The following FLNB variants were observed in gnomAD, a reference collection of about 807,000 sequenced individuals.
The protein encoded by FLNB is filamin-B.
In FLNB, 111 loss-of-function variants were observed where a neutral mutation model predicts 250.6. The observed-to-expected ratio is 0.44, with a 90% CI of 0.38 to 0.52. The LOEUF (loss-of-function observed/expected upper bound fraction) is 0.52, where lower values mean the gene tolerates loss of function less well. Ranked by LOEUF, FLNB falls within the 20% of genes least tolerant of loss-of-function variation. The probability of loss-of-function intolerance (pLI) is 0.00; values close to 1 mark genes in which losing one functional copy is unlikely to be tolerated. For missense variants in FLNB, 2,869 were observed against 3,447.8 expected (o/e 0.83, Z 4.20); for synonymous variants, 1,302 against 1,372.1 (o/e 0.95, Z 1.13).
In FLNB at chr3:58,169,460, G is replaced by A; in HGVS notation, c.7418-130G>A. 1.3e-6 allele frequency: 1 copy of A among 753,284 alleles called. No homozygotes were observed. Among genetic ancestry groups the A allele is most frequent in the South Asian group, 1.4e-5 (1 of 71,916 alleles). 46.7% of individuals were successfully genotyped at this position (753,284 alleles called of 1,614,324 possible). A position where few individuals can be genotyped will look rare whatever the true frequency, so the allele number is the denominator to read the frequency against. On this transcript the variant is annotated intron_variant, in intron 44 of 45. Transcript: ENST00000295956. The surrounding 1 kb of genome is among the most constrained non-coding windows in gnomAD (Gnocchi z 4.8). Reference sequence around the variant, plus strand: ...GACATTATGGGTGTGAGATACAGGTGTGGTGGCTTTTGTGTTGGGGTGCGC... The same window carrying A: ...GACATTATGGGTGTGAGATACAGGTATGGTGGCTTTTGTGTTGGGGTGCGC...
At chr3:58,071,859 G>A (rs2097195092) in intron 1 of FLNB, among the ~76,000 whole-genome samples, 2 of 152,134 alleles carry the variant, frequency 1.3e-5, no homozygotes, top group South Asian at 4.1e-4. Flanking sequence ...CCTGATGTGA[G>A]TAGAGAGGTA....
chr3:58,096,239 TG>T, intron 6 of FLNB, 21 bp downstream of exon 6: 1 of 1,584,548 alleles, frequency 6.3e-7, no homozygotes, highest in Non-Finnish European at 8.7e-7. Context: ...GCAGCATGGC[TG>T]TGGCTTGGGC....
At chr3:58,091,343 A>G (rs1430857013) in intron 4 of FLNB, among the ~76,000 whole-genome samples, 2 of 152,224 alleles carry the variant, frequency 1.3e-5, no homozygotes, top group Non-Finnish European at 2.9e-5. Context: ...TGGTCAAAGG[A>G]TAGACATTAT....
intron 1 of FLNB, among the ~76,000 whole-genome samples, chr3:58,052,518 AG>A (rs1418385149): frequency 6.6e-6 from 1 of 152,208 alleles, no homozygotes; most frequent in African/African-American, 2.4e-5. Context: ...GAGGGGAAAC[AG>A]GGCCTTTGGT....
chr3:58,042,891 G>A (rs1447382748), intron 1 of FLNB, among the ~76,000 whole-genome samples: 1 of 152,058 alleles, frequency 6.6e-6, no homozygotes, highest in Admixed American at 6.6e-5. Context: ...TTTCTACTGG[G>A]AATGTTTGTT....
Position 58,149,891 on chromosome 3 carries a change from G to T in FLNB, c.6133G>T (p.Val2045Leu). The T allele has an allele frequency of 6.2e-7, 1 of 1,614,246 alleles. No homozygotes were observed. The highest frequency in any genetic ancestry group is 2.2e-5 in the East Asian group (1 of 44,884). Reference sequence around the variant, plus strand: ...CTTGGCGGTGGAAGGCCCCAGCAAAGTGGACATCCAGACGGAGGACCTGGA... The same window carrying T: ...CTTGGCGGTGGAAGGCCCCAGCAAATTGGACATCCAGACGGAGGACCTGGA... The part of the protein sequence containing the change: ...ISLAVEGPSK[V>L]DIQTEDLEDG... Residue 2045 changes from valine (V) to leucine (L), a missense_variant, in exon 37 of 46, where the codon GTG (valine) becomes TTG (leucine). Coordinates refer to ENST00000295956, the MANE Select transcript of FLNB (RefSeq NM_001457.4).
At chr3:58,139,338 C>T (rs1009654441) in intron 29 of FLNB, among the ~76,000 whole-genome samples, 35 of 152,200 alleles carry the variant, frequency 2.3e-4, no homozygotes, top group Admixed American at 2.0e-3. Context: ...GTCATCCTCA[C>T]TGGTGTCCTT....
At chr3:58,157,833 T>C (rs2097355604) in intron 41 of FLNB, among the ~76,000 whole-genome samples, 1 of 152,238 alleles carries the variant, frequency 6.6e-6, no homozygotes, top group Non-Finnish European at 1.5e-5. Flanking sequence ...TGTAGAGTGC[T>C]CTCGTCATAG....
intron 1 of FLNB, among the ~76,000 whole-genome samples, chr3:58,050,021 C>CTTTTTTTTTTTTTTTTTTTTTTT (rs34910480): frequency 1.5e-5 from 2 of 130,480 alleles, no homozygotes; most frequent in Non-Finnish European, 1.7e-5. Context: ...TAGAAAATGC[C>CTTTTTTTTTTTTTTTTTTTTTTT]TTTTTTTTTT....
At chr3:58,025,036 T>C (rs1466874242) in intron 1 of FLNB, among the ~76,000 whole-genome samples, 1 of 145,030 alleles carries the variant, frequency 6.9e-6, no homozygotes, top group Non-Finnish European at 1.5e-5. Flanking sequence ...TTTTTTTAAG[T>C]AGCTCCATTG....
At chr3:58,079,881 C>G (rs575974487) in intron 3 of FLNB, among the ~76,000 whole-genome samples, 1 of 152,256 alleles carries the variant, frequency 6.6e-6, no homozygotes, top group South Asian at 2.1e-4. Context: ...GGTCTGAGTT[C>G]AGTGTATTTT....
chr3:58,155,801 A>G (rs543851138), intron 40 of FLNB, among the ~76,000 whole-genome samples, 159 bp from the exon 41 acceptor site: 4 of 152,262 alleles, frequency 2.6e-5, no homozygotes, highest in African/African-American at 9.6e-5. Context: ...AGGAAATCAT[A>G]TCGGCCCAGC....
At chr3:58,091,371 T>C (rs2097227009) in intron 4 of FLNB, among the ~76,000 whole-genome samples, 1 of 152,122 alleles carries the variant, frequency 6.6e-6, no homozygotes, top group Admixed American at 6.6e-5. Context: ...TGAAACAGAA[T>C]TGCAGCCCCA....
rs758759547 is a variant in FLNB at position 58,110,102 on chromosome 3, A to G, written c.2416A>G (p.Thr806Ala). The G allele has an allele frequency of 7.4e-6, 12 of 1,614,188 alleles. No homozygotes were observed. Among genetic ancestry groups the G allele is most frequent in the Non-Finnish European group, 1.0e-5 (12 of 1,180,022 alleles). ...DFDIIHNAND[T>A]FTVKYVPPAA... ...TGACATTATTCACAATGCCAATGAT[A>G]CGTTCACAGTCAAATATGTGCCTCC... The change falls in exon 16 of 46, where the codon ACG (threonine) becomes GCG (alanine). Residue 806 changes from threonine to alanine, a missense_variant. Coordinates refer to ENST00000295956, the MANE Select transcript of FLNB (RefSeq NM_001457.4).
At chr3:58,062,456 C>T (rs1020836096) in intron 1 of FLNB, among the ~76,000 whole-genome samples, 3 of 152,302 alleles carry the variant, frequency 2.0e-5, no homozygotes, top group East Asian at 3.9e-4. Context: ...TCCCTCCCCC[C>T]ACCAGTTGTC....
At chr3:58,072,195 A>G (rs2097195597) in intron 1 of FLNB, among the ~76,000 whole-genome samples, 1 of 152,232 alleles carries the variant, frequency 6.6e-6, no homozygotes, top group Non-Finnish European at 1.5e-5. Flanking sequence ...TTTGAGGGTC[A>G]GGGTTGTCCA....
At chr3:58,064,181 C>A (rs1178341537) in intron 1 of FLNB, among the ~76,000 whole-genome samples, 1 of 152,212 alleles carries the variant, frequency 6.6e-6, no homozygotes, top group Admixed American at 6.5e-5. Context: ...ACTCTTGTCA[C>A]CTAGGCTGGA....
In FLNB at chr3:58,141,908, T is replaced by C. The variant is rs1231747066; in HGVS notation, c.5160T>C (p.Cys1720=). The change falls in exon 30 of 46, where the codon TGT becomes TGC. Residue 1720 remains cysteine, a synonymous_variant. Coordinates refer to ENST00000295956, the MANE Select transcript of FLNB (RefSeq NM_001457.4). ...TAVEEAPVNA[C]PPGFRPWVTE... ...TGGAGGAGGCACCGGTAAATGCATG[T>C]CCCCCTGGATTCAGGCCCTGGGTAC... 1.9e-6 allele frequency: 3 copies of C among 1,613,968 alleles called. No individual in the cohort carries two copies. The highest frequency in any genetic ancestry group is 1.7e-5 in the Admixed American group (1 of 60,006).
At chr3:58,105,511 T>C (rs547958287) in intron 11 of FLNB, among the ~76,000 whole-genome samples, 20 of 152,224 alleles carry the variant, frequency 1.3e-4, no homozygotes, top group Non-Finnish European at 2.1e-4. Context: ...CTTTATAGTT[T>C]AGATGAATGA....
Sources: gnomAD v4.1 joint callset for allele counts (sites outside exome capture counted in the v4.1 genomes callset) on GRCh38, gnomAD v4.1.1 for gene constraint, Gnocchi (gnomAD v3.1) non-coding constraint, MANE v1.5 for transcripts, NCBI Gene and HGNC (gene_info 2026-07-23, HGNC 2026-07-21) for gene names.